GLB1L: variants seen among roughly 807,000 people sequenced by gnomAD.
The protein encoded by GLB1L is galactosidase beta 1 like.
In GLB1L, 58 loss-of-function variants were observed where a neutral mutation model predicts 75.7. That is an observed-to-expected ratio of 0.77 (90% CI 0.62 to 0.95). The LOEUF is 0.95. GLB1L is among the 40% of genes least tolerant of loss of function. The pLI is 0.00. For synonymous variants in GLB1L, 296 were observed against 303.0 expected (o/e 0.98, Z 0.24); for missense variants, 797 against 805.5 (o/e 0.99, Z 0.13).
intron 13 of GLB1L, 50 bp from the exon 14 acceptor site, chr2:219,238,413 A>G: frequency 1.3e-6 from 2 of 1,557,028 alleles, no homozygotes; most frequent in Non-Finnish European, 8.8e-7. Context: ...AAAAGAGGAC[A>G]CTGTGACTAT....
At position 219,238,696 on chromosome 2, in the gene GLB1L, G is replaced by A; in HGVS notation, c.1137+9C>T. ...TGTGGTATAAGAGAAAAGATGTGGA[G>A]GAACTTACCAGGTGCAGAGTCACAG... On this transcript the variant is annotated intron_variant, in intron 12 of 16. Transcript: ENST00000295759. 6.2e-7 allele frequency: 1 copy of A among 1,613,568 alleles called. No individual in the cohort carries two copies. Among genetic ancestry groups the A allele is most frequent in the Non-Finnish European group, 8.5e-7 (1 of 1,179,660 alleles).
rs772168366 is a variant in GLB1L, at chr2:219,243,286, CT to C, written c.100del (p.Arg34GlyfsTer8). Reference protein sequence around the residue: ...QADTRSFVVDRGHDRFLLDGA... With the variant: ...QADTRSFVVDXGHDRFLLDGA... ...GTCTAGGAGAAACCGGTCATGACCC[CT>C]ATCCACTACGAACGACCGAGTGTCT... On this transcript the variant is annotated frameshift_variant, in exon 3 of 17. Transcript: ENST00000295759. LOFTEE classifies it high-confidence loss of function. 1.9e-6 allele frequency: 3 copies of C among 1,606,122 alleles called. No homozygotes were observed. The highest frequency in any genetic ancestry group is 2.2e-5 in the South Asian group (2 of 90,688).
intron 5 of GLB1L, among the ~76,000 whole-genome samples, chr2:219,240,982 G>A (rs1376598746): frequency 6.6e-6 from 1 of 152,082 alleles, no homozygotes; most frequent in Admixed American, 6.5e-5. Flanking sequence ...TACTCGGGAG[G>A]CTGAGGCAGG....
At chr2:219,241,655 G>C (rs1463402563) in intron 5 of GLB1L, among the ~76,000 whole-genome samples, 1 of 151,514 alleles carries the variant, frequency 6.6e-6, no homozygotes, top group Non-Finnish European at 1.5e-5. Context: ...GGGGAGAAGA[G>C]CAATAATGTC....
In GLB1L at chr2:219,237,139, G is replaced by C; in HGVS notation, c.1898C>G (p.Thr633Arg). The change falls in exon 17 of 17, where the codon ACA becomes AGA. Residue 633 changes from threonine to arginine, a missense_variant. Transcript: ENST00000295759. ...ATCAGCTGAAAGGGAATTGATATGT[G>C]TCCTGTGCAAAGTACTAGTGCTATT... ...ILNSTSTLHR[T>R]HINSLSADTL... 3 of 1,614,048 alleles carry C rather than the reference G, an allele frequency of 1.9e-6. No individual in the cohort carries two copies. The highest frequency in any genetic ancestry group is 2.2e-5 in the East Asian group (1 of 44,880).
chr2:219,238,046 A>G, intron 14 of GLB1L, 89 bp from the exon 15 acceptor site: 1 of 1,353,324 alleles, frequency 7.4e-7, no homozygotes, highest in Non-Finnish European at 1.0e-6. Flanking sequence ...ACTTATTTGG[A>G]GGGCAGAGAG....
chr2:219,241,678 G>A (rs2125057868), intron 5 of GLB1L, among the ~76,000 whole-genome samples: 1 of 151,672 alleles, frequency 6.6e-6, no homozygotes, highest in Admixed American at 6.6e-5. Flanking sequence ...GGAGGTGACT[G>A]GGGCCAATTG....
chr2:219,243,467 C>T, intron 2 of GLB1L, 35 bp downstream of exon 2: 1 of 1,612,338 alleles, frequency 6.2e-7, no homozygotes, highest in Middle Eastern at 1.7e-4. Context: ...TCCCGCTCAC[C>T]GCACCCGGCA....
At position 219,243,145 on chromosome 2, in the gene GLB1L, T is replaced by C; in HGVS notation, c.239+3A>G. On this transcript the variant is annotated splice_donor_region_variant and intron_variant, in intron 3 of 16. Transcript: ENST00000295759. Reference sequence around the variant, plus strand: ...CTCCGCGGCTCTTGCGAGCACTTCTTACAACTGTATGGCGTTGAGGCCGCT... The same window carrying C: ...CTCCGCGGCTCTTGCGAGCACTTCTCACAACTGTATGGCGTTGAGGCCGCT... 6.2e-7 allele frequency: 1 copy of C among 1,603,320 alleles called. No homozygotes were observed. The highest frequency in any genetic ancestry group is 8.5e-7 in the Non-Finnish European group (1 of 1,174,716).
intron 4 of GLB1L, 48 bp from the exon 5 acceptor site, chr2:219,242,622 G>A (rs1484111520): frequency 6.4e-7 from 1 of 1,559,240 alleles, no homozygotes; most frequent in African/African-American, 1.4e-5. Flanking sequence ...TTTTGTTTTG[G>A]GGTGTGGTGG....
At chr2:219,244,068 G>A (rs939499275) in intron 1 of GLB1L, 8 of 157,528 alleles carry the variant, frequency 5.1e-5, no homozygotes, top group Non-Finnish European at 9.9e-5. Flanking sequence ...GCTTGAACCC[G>A]GAAGGCGGAG....
chr2:219,242,712 G>A, intron 4 of GLB1L, 56 bp downstream of exon 4: 1 of 1,595,668 alleles, frequency 6.3e-7, no homozygotes, highest in East Asian at 2.2e-5. Flanking sequence ...GCAGATGGGA[G>A]TAGTCTAGGA....
intron 1 of GLB1L, chr2:219,244,000 C>CGAGGGTGGGGGTGGGGGTGGGGGT (rs1951465192): frequency 8.2e-5 from 1 of 12,206 alleles, no homozygotes; most frequent in Non-Finnish European, 1.9e-4. Flanking sequence ...CAAGCTACTC[C>CGAGGGTGGGGGTGGGGGTGGGGGT]GAGGGTGGGG....
Position 219,237,276 on chromosome 2 carries a change from G to A in GLB1L, c.1761C>T (p.Tyr587=), listed in dbSNP as rs141680556. The change falls in exon 17 of 17, where the codon TAC becomes TAT. Residue 587 remains tyrosine (Y), a synonymous_variant. Coordinates refer to ENST00000295759, the MANE Select transcript of GLB1L (RefSeq NM_001286423.2). ...WTKQGPQQTL[Y]VPRFLLFPRG... ...TAGGAAACAGCAGGAATCTTGGCACGTAGAGGGTCTGTTGTGGCCCCTGCT... is the reference window on the plus strand; with the variant it reads ...TAGGAAACAGCAGGAATCTTGGCACATAGAGGGTCTGTTGTGGCCCCTGCT... 1,542 of 1,614,128 alleles carry A rather than the reference G, an allele frequency of 9.6e-4. 2 individuals are homozygous for A. The highest frequency in any genetic ancestry group is 1.1e-3 in the Non-Finnish European group (1,356 of 1,180,000).
Position 219,237,246 on chromosome 2 carries a change from T to G in GLB1L, c.1791A>C (p.Gly597=). ...YVPRFLLFPR[G]ALNKITLLEL... ...CCAGCAATGTAATTTTGTTGAGGGCTCCCCTAGGAAACAGCAGGAATCTTG... is the reference window on the plus strand; with the variant it reads ...CCAGCAATGTAATTTTGTTGAGGGCGCCCCTAGGAAACAGCAGGAATCTTG... Residue 597 remains glycine, a synonymous_variant, in exon 17 of 17, where the codon GGA becomes GGC. Coordinates refer to ENST00000295759, the MANE Select transcript of GLB1L (RefSeq NM_001286423.2). 1 of 1,614,110 alleles carries G rather than the reference T, an allele frequency of 6.2e-7. No homozygotes were observed.
chr2:219,243,701 C>T (rs35328001), intron 1 of GLB1L, 58 bp from the exon 2 acceptor site: 148,844 of 819,944 alleles, frequency 0.18, 14,453 homozygotes, highest in South Asian at 0.26. Context: ...GCCTGGACTT[C>T]CTCTCCAGCC....
chr2:219,245,073 G>A (rs550034233), intron 1 of GLB1L, among the ~76,000 whole-genome samples, 156 bp downstream of exon 1: 2 of 152,352 alleles, frequency 1.3e-5, no homozygotes, highest in Non-Finnish European at 2.9e-5. Context: ...CTTAACCACT[G>A]AGACTAGGGG....
At chr2:219,243,026 G>C in intron 3 of GLB1L, 108 bp from the exon 4 acceptor site, 3 of 1,554,374 alleles carry the variant, frequency 1.9e-6, no homozygotes, top group Non-Finnish European at 2.6e-6. Context: ...GGAGGTCCTG[G>C]CCTGCCCTTT....
At position 219,243,499 on chromosome 2, in the gene GLB1L, T is replaced by TA; in HGVS notation, c.72+2dup. ...GGCAGGCTGGTTCACCGTCTCATCT[T>TA]ACCTGGGGCAGCAGTAGCGTCAGGC... On this transcript the variant is annotated splice_region_variant and intron_variant, in intron 2 of 16. Coordinates refer to ENST00000295759, the MANE Select transcript of GLB1L (RefSeq NM_001286423.2). 1 of 1,614,208 alleles carries TA rather than the reference T, an allele frequency of 6.2e-7. No individual in the cohort carries two copies. Among genetic ancestry groups the TA allele is most frequent in the South Asian group, 1.1e-5 (1 of 91,082 alleles).
Sources: allele counts gnomAD v4.1 joint callset (sites outside exome capture counted in the v4.1 genomes callset), GRCh38; gene constraint gnomAD v4.1.1; transcripts MANE v1.5; gene names NCBI Gene and HGNC (gene_info 2026-07-23, HGNC 2026-07-21).